LCLAT1: variants seen among roughly 807,000 people sequenced by gnomAD.
LCLAT1 encodes the protein lysocardiolipin acyltransferase 1.
Under a neutral mutation model 30.7 loss-of-function variants are expected in LCLAT1, and 11 were observed. The ratio of observed to expected loss-of-function variants is 0.36; its 90% CI spans 0.23 to 0.59. The LOEUF (loss-of-function observed/expected upper bound fraction) is 0.59, where lower values mean the gene tolerates loss of function less well. Ranked by LOEUF, LCLAT1 falls within the 20% of genes least tolerant of loss-of-function variation. LCLAT1 has a pLI of 0.77. For missense variants in LCLAT1, 402 were observed against 458.6 expected, an observed-to-expected ratio of 0.88 and a Z score of 1.13; for synonymous variants, 155 against 151.3, an observed-to-expected ratio of 1.02 and a Z score of -0.18.
At chr2:30,467,605 T>C (rs1682513322) in intron 1 of LCLAT1, among the ~76,000 whole-genome samples, 2 of 152,200 alleles carry the variant, frequency 1.3e-5, no homozygotes, top group African/African-American at 4.8e-5. Flanking sequence ...ACCTGTTGTT[T>C]CTTGACTTTT....
chr2:30,562,206 G>A lies in LCLAT1; in HGVS notation c.425G>A (p.Ser142Asn), dbSNP rs1408934734. ...CATAGGAAATGGAAGGATGACAAGA[G>A]CCATTTCGAAGACATGATTGATTAC... ...FIHRKWKDDK[S>N]HFEDMIDYFC... The change falls in exon 4 of 6, where the codon AGC becomes AAC. Residue 142 changes from serine (S) to asparagine (N), a missense_variant. Ser to Asn is a conservative substitution (Grantham distance 46). Coordinates refer to ENST00000379509, the MANE Select transcript of LCLAT1 (RefSeq NM_001002257.3). 2 of 1,613,144 alleles carry A rather than the reference G, an allele frequency of 1.2e-6. No individual in the cohort carries two copies. Among genetic ancestry groups the A allele is most frequent in the East Asian group, 2.2e-5 (1 of 44,878 alleles).
At chr2:30,622,406 C>A (rs553986590) in intron 5 of LCLAT1, among the ~76,000 whole-genome samples, 104 of 152,298 alleles carry the variant, frequency 6.8e-4, no homozygotes, top group Non-Finnish European at 1.2e-3. Flanking sequence ...AAATACTTAT[C>A]CAGACAGCCC....
chr2:30,555,347 T>C (rs1416206926), intron 3 of LCLAT1, among the ~76,000 whole-genome samples: 1 of 152,036 alleles, frequency 6.6e-6, no homozygotes, highest in Non-Finnish European at 1.5e-5. Flanking sequence ...GAAATTATTT[T>C]GAGGAGAACT....
chr2:30,542,503 C>T (rs1664188023), intron 3 of LCLAT1, among the ~76,000 whole-genome samples: 1 of 152,088 alleles, frequency 6.6e-6, no homozygotes, highest in Non-Finnish European at 1.5e-5. Context: ...TCATCAATGT[C>T]ACTCTGTCAT....
chr2:30,539,333 A>G (rs760891313), intron 3 of LCLAT1, among the ~76,000 whole-genome samples: 6 of 145,516 alleles, frequency 4.1e-5, no homozygotes, highest in Non-Finnish European at 7.4e-5. Flanking sequence ...GCTCACTGCA[A>G]TCTTGAACTG....
intron 1 of LCLAT1, among the ~76,000 whole-genome samples, chr2:30,449,893 T>A (rs552638720): frequency 1.8e-4 from 28 of 152,338 alleles, no homozygotes; most frequent in African/African-American, 6.7e-4. Flanking sequence ...TGGGGGACTT[T>A]TAAAAGAAAA....
chr2:30,566,965 T>C (rs1219010994), intron 4 of LCLAT1, among the ~76,000 whole-genome samples: 1 of 152,194 alleles, frequency 6.6e-6, no homozygotes, highest in East Asian at 1.9e-4. Context: ...GCGGTTTGGG[T>C]TAGTAATATT....
chr2:30,499,867 G>T (rs1684287665), intron 1 of LCLAT1, among the ~76,000 whole-genome samples: 1 of 151,974 alleles, frequency 6.6e-6, no homozygotes, highest in South Asian at 2.1e-4. Flanking sequence ...ATTTATTAAT[G>T]GTAAGAATGT....
chr2:30,460,617 G>A (rs954695901), intron 1 of LCLAT1, among the ~76,000 whole-genome samples: 1 of 152,060 alleles, frequency 6.6e-6, no homozygotes, highest in African/African-American at 2.4e-5. Context: ...AAAATCTTGG[G>A]ATTTCCTTAT....
intron 3 of LCLAT1, among the ~76,000 whole-genome samples, chr2:30,539,185 G>A (rs775542192): frequency 8.0e-5 from 12 of 149,966 alleles, no homozygotes; most frequent in Non-Finnish European, 1.6e-4. Flanking sequence ...TCTTGACCTC[G>A]TGATCCGCCC....
intron 1 of LCLAT1, among the ~76,000 whole-genome samples, chr2:30,517,468 C>A (rs547841966): frequency 1.7e-3 from 266 of 152,302 alleles, no homozygotes; most frequent in African/African-American, 5.9e-3. Context: ...CAATTTCTAC[C>A]CAGCTTACCC....
At chr2:30,511,369 A>G (rs1026302141) in intron 1 of LCLAT1, among the ~76,000 whole-genome samples, 3 of 151,906 alleles carry the variant, frequency 2.0e-5, no homozygotes, top group South Asian at 4.2e-4. Flanking sequence ...CAGAGAGTAC[A>G]CTCCTGTCTT....
intron 5 of LCLAT1, among the ~76,000 whole-genome samples, chr2:30,572,227 G>C (rs1262008937): frequency 2.6e-5 from 4 of 152,138 alleles, no homozygotes; most frequent in Admixed American, 2.6e-4. Context: ...ATTTAGGACA[G>C]ATCTTCTTGT....
At chr2:30,520,195 G>A (rs1311090218) in intron 1 of LCLAT1, among the ~76,000 whole-genome samples, 1 of 152,182 alleles carries the variant, frequency 6.6e-6, no homozygotes, top group Admixed American at 6.5e-5. Flanking sequence ...AGAGCAAAAG[G>A]CTTGCTGCCA....
At chr2:30,547,620 T>A (rs1664485337) in intron 3 of LCLAT1, among the ~76,000 whole-genome samples, 1 of 152,030 alleles carries the variant, frequency 6.6e-6, no homozygotes, top group Non-Finnish European at 1.5e-5. Context: ...GTGCCACTCT[T>A]TTCTGCTTGT....
intron 5 of LCLAT1, among the ~76,000 whole-genome samples, chr2:30,609,678 C>T (rs1286135003): frequency 6.6e-6 from 1 of 152,120 alleles, no homozygotes; most frequent in Non-Finnish European, 1.5e-5. Flanking sequence ...ACTGTTTAGG[C>T]ATTTCAGCCC....
At chr2:30,583,189 A>G (rs1459716913) in intron 5 of LCLAT1, among the ~76,000 whole-genome samples, 1 of 152,240 alleles carries the variant, frequency 6.6e-6, no homozygotes, top group Non-Finnish European at 1.5e-5. Flanking sequence ...CTGTTAAAAT[A>G]AAACTCAGTA....
At chr2:30,568,895 A>G (rs969881348) in intron 5 of LCLAT1, among the ~76,000 whole-genome samples, 1 of 151,420 alleles carries the variant, frequency 6.6e-6, no homozygotes, top group Admixed American at 6.6e-5. Context: ...GAGAAAAAAA[A>G]TCTTATCACT....
chr2:30,476,902 C>T (rs1683073791), intron 1 of LCLAT1, among the ~76,000 whole-genome samples: 1 of 152,160 alleles, frequency 6.6e-6, no homozygotes, highest in Non-Finnish European at 1.5e-5. Flanking sequence ...TTTACACTGT[C>T]ATACTTAAGT....
Sources: gnomAD v4.1 joint callset for allele counts (sites outside exome capture counted in the v4.1 genomes callset) on GRCh38, gnomAD v4.1.1 for gene constraint, MANE v1.5 for transcripts, NCBI Gene and HGNC (gene_info 2026-07-23, HGNC 2026-07-21) for gene names.